Variants in DLGAP2 observed in about 807,000 individuals in gnomAD.
The protein encoded by DLGAP2 is disks large-associated protein 2.
DLGAP2 carries 26 observed loss-of-function variants against 100.3 expected under a neutral mutation model. The observed-to-expected ratio is 0.26, with a 90% confidence interval of 0.19 to 0.36. DLGAP2 has a LOEUF of 0.36. DLGAP2 is among the 10% of genes least tolerant of loss of function. DLGAP2 has a pLI of 1.00. For synonymous variants in DLGAP2, 886 were observed against 630.1 expected, an observed-to-expected ratio of 1.41 and a Z score of -6.08; for missense variants, 1,858 against 1,453.2, an observed-to-expected ratio of 1.28 and a Z score of -4.53.
chr8:1,699,475 G>C (rs965238726), intron 14 of DLGAP2, among the ~76,000 whole-genome samples: 1 of 151,824 alleles, frequency 6.6e-6, no homozygotes, highest in Admixed American at 6.6e-5. Flanking sequence ...TTAGCCAGGC[G>C]TGGTGGTGGG....
At chr8:1,377,376 C>A (rs981965028) in intron 3 of DLGAP2, among the ~76,000 whole-genome samples, 1 of 152,192 alleles carries the variant, frequency 6.6e-6, no homozygotes, top group Non-Finnish European at 1.5e-5. Flanking sequence ...AACCCCGTCT[C>A]TACAGAAAAT....
At chr8:1,250,761 A>T (rs561733444) in intron 2 of DLGAP2, among the ~76,000 whole-genome samples, 1 of 152,168 alleles carries the variant, frequency 6.6e-6, no homozygotes, top group African/African-American at 2.4e-5. Context: ...TTTGAATGCA[A>T]TTATGTAATT....
In DLGAP2 at chr8:1,626,807, A is replaced by AACTCCCCGAAATTCC; in HGVS notation, c.1511_1525dup (p.Phe508_Arg509insHisSerProLysPhe). 1 of 1,604,550 alleles carries AACTCCCCGAAATTCC rather than the reference A, an allele frequency of 6.2e-7. No homozygotes were observed. Among genetic ancestry groups the AACTCCCCGAAATTCC allele is most frequent in the Non-Finnish European group, 8.5e-7 (1 of 1,175,886 alleles). On this transcript the variant is annotated inframe_insertion, in exon 7 of 15. Coordinates refer to ENST00000637795, the MANE Select transcript of DLGAP2 (RefSeq NM_001346810.2). ...CAGCCTGGACCCCGCTGCGAACTAC[A>AACTCCCCGAAATTCC]ACTCCCCGAAATTCCGCTCCCGGAA...
At position 1,668,487 on chromosome 8, in the gene DLGAP2, A is replaced by G; in HGVS notation, c.1969A>G (p.Ser657Gly). 6.3e-7 allele frequency: 1 copy of G among 1,593,632 alleles called. No individual in the cohort carries two copies. The highest frequency in any genetic ancestry group is 8.5e-7 in the Non-Finnish European group (1 of 1,171,062). The change falls in exon 9 of 15, where the codon AGC (serine) becomes GGC (glycine). Residue 657 changes from serine to glycine, a missense_variant. Transcript: ENST00000637795. ...GAGGATGTCCCCGTGGCCCCAGGAC[A>G]GCCGCGGCCTCTACAACTCCACGGA... ...AQRMSPWPQD[S>G]RGLYNSTDSL... is the part of the protein sequence containing the mutation.
chr8:1,323,998 T>A (rs183834494), intron 3 of DLGAP2, among the ~76,000 whole-genome samples: 1 of 152,322 alleles, frequency 6.6e-6, no homozygotes, highest in Non-Finnish European at 1.5e-5. Context: ...AGTTGCTGTT[T>A]CTTTACACCA....
At chr8:883,651 G>A (rs529927097) in intron 1 of DLGAP2, among the ~76,000 whole-genome samples, 6 of 147,568 alleles carry the variant, frequency 4.1e-5, no homozygotes, top group Admixed American at 1.3e-4. Flanking sequence ...GTGCCGCGGC[G>A]GTTCGTTACG....
At chr8:1,449,157 A>T (rs1015571893) in intron 3 of DLGAP2, among the ~76,000 whole-genome samples, 1 of 152,198 alleles carries the variant, frequency 6.6e-6, no homozygotes, top group African/African-American at 2.4e-5. Flanking sequence ...CTGATGGGGA[A>T]AGTCACTTAT....
intron 2 of DLGAP2, among the ~76,000 whole-genome samples, chr8:1,201,135 A>G (rs772433760): frequency 7.2e-4 from 109 of 152,150 alleles, no homozygotes; most frequent in Non-Finnish European, 1.4e-3. Flanking sequence ...TGGGAGGAAG[A>G]GGAGGATGCC....
intron 1 of DLGAP2, among the ~76,000 whole-genome samples, chr8:840,353 CTA>C (rs1796957764): frequency 8.3e-6 from 1 of 121,008 alleles, no homozygotes; most frequent in Non-Finnish European, 1.7e-5. Flanking sequence ...GCGAGCGCGT[CTA>C]CACGGTGCAC....
chr8:1,574,210 C>T (rs1802871787), intron 6 of DLGAP2, among the ~76,000 whole-genome samples: 2 of 152,126 alleles, frequency 1.3e-5, no homozygotes, highest in Non-Finnish European at 2.9e-5. Context: ...CACTCAGGTG[C>T]AATCAGAAAA....
chr8:1,592,884 G>C (rs1396513302), intron 6 of DLGAP2, among the ~76,000 whole-genome samples: 1 of 152,124 alleles, frequency 6.6e-6, no homozygotes, highest in Admixed American at 6.5e-5. Context: ...AGTTACACTA[G>C]CATTTTAGTT....
chr8:1,632,456 C>T (rs1337627640), intron 7 of DLGAP2, among the ~76,000 whole-genome samples: 2 of 152,186 alleles, frequency 1.3e-5, no homozygotes, highest in Admixed American at 6.5e-5. Context: ...GGGGGGCCGT[C>T]ATGTGGGAAA....
At chr8:1,375,265 C>T (rs1339821235) in intron 3 of DLGAP2, among the ~76,000 whole-genome samples, 6 of 81,750 alleles carry the variant, frequency 7.3e-5, no homozygotes, top group Admixed American at 3.7e-4. Flanking sequence ...AACTGAGCCC[C>T]CACCTCCTAC....
At chr8:1,274,345 G>A (rs2116935149) in intron 3 of DLGAP2, among the ~76,000 whole-genome samples, 1 of 152,144 alleles carries the variant, frequency 6.6e-6, no homozygotes, top group African/African-American at 2.4e-5. Context: ...GTGAAAATAA[G>A]CCAGCACGTA....
chr8:859,164 TGCAGTGGCGCAATCTCA>T (rs1797342327), intron 1 of DLGAP2, among the ~76,000 whole-genome samples: 2 of 150,708 alleles, frequency 1.3e-5, no homozygotes, highest in Non-Finnish European at 2.9e-5. Flanking sequence ...CAGGCTGGAG[TGCAGTGGCGCAATCTCA>T]GCTCACTGCA....
At chr8:1,318,234 C>T (rs953801707) in intron 3 of DLGAP2, among the ~76,000 whole-genome samples, 3 of 152,158 alleles carry the variant, frequency 2.0e-5, no homozygotes, top group Admixed American at 6.6e-5. Context: ...CTTGAAGGGT[C>T]CTGTTTCAAA....
intron 3 of DLGAP2, among the ~76,000 whole-genome samples, chr8:1,340,098 C>T (rs1176639921): frequency 6.6e-6 from 1 of 152,252 alleles, no homozygotes; most frequent in Non-Finnish European, 1.5e-5. Context: ...ATTCAAGATG[C>T]ATTGAAGACT....
rs576434439 is a variant in DLGAP2, at chr8:1,333,989, C to T, written c.106+75106C>T. Among the ~76,000 whole-genome samples, 6 of 152,346 alleles carry T rather than the reference C, an allele frequency of 3.9e-5. No homozygotes were observed. In the East Asian group the frequency reaches 1.2e-3, roughly 29 times the overall value. On this transcript the variant is annotated intron_variant, in intron 3 of 14. Coordinates refer to ENST00000637795, the MANE Select transcript of DLGAP2 (RefSeq NM_001346810.2). ...ACGGCGAGAGCCACGTGCTCCGCAA[C>T]TGAGGGCACCATGCCGGGGAAGAGG... is the stretch of plus-strand genomic sequence containing the variant.
chr8:1,565,760 G>A lies in DLGAP2; in HGVS notation c.1308G>A (p.Gly436=), dbSNP rs1802372284. Residue 436 remains glycine, a synonymous_variant, in exon 6 of 15, where the codon GGG becomes GGA. Transcript: ENST00000637795. ...TTCCCTGCAGGAGAATGAGAAGTGG[G>A]AGTTACATTAAAGCCATGGGGGACG... is the stretch of plus-strand genomic sequence containing the variant. ...EEIPCRRMRS[G]SYIKAMGDEE... 6.2e-7 allele frequency: 1 copy of A among 1,613,768 alleles called. No homozygotes were observed. Among genetic ancestry groups the A allele is most frequent in the Non-Finnish European group, 8.5e-7 (1 of 1,179,862 alleles).
Sources: allele counts gnomAD v4.1 joint callset (sites outside exome capture counted in the v4.1 genomes callset), GRCh38; gene constraint gnomAD v4.1.1; transcripts MANE v1.5; gene names NCBI Gene and HGNC (gene_info 2026-07-23, HGNC 2026-07-21).